Variants in SPIRE2 observed in about 807,000 individuals in gnomAD.
SPIRE2 encodes spire type actin nucleation factor 2.
In SPIRE2, 76 loss-of-function variants were observed where a neutral mutation model predicts 80.7. That is an observed-to-expected ratio of 0.94 (90% CI 0.78 to 1.14). The LOEUF (loss-of-function observed/expected upper bound fraction) is 1.14. Among genes scored for constraint, SPIRE2 ranks in the 50% most tolerant of loss-of-function variants. The pLI is 0.00. For missense variants in SPIRE2, 1,196 were observed against 1,015.3 expected, an observed-to-expected ratio of 1.18 and a Z score of -2.42; for synonymous variants, 535 against 432.6, an observed-to-expected ratio of 1.24 and a Z score of -2.94.
Position 89,860,709 on chromosome 16 carries a change from C to A in SPIRE2, c.1489C>A (p.Pro497Thr). 6.3e-7 allele frequency: 1 copy of A among 1,592,070 alleles called. No individual in the cohort carries two copies. Among genetic ancestry groups the A allele is most frequent in the South Asian group, 1.1e-5 (1 of 87,818 alleles). Residue 497 changes from proline (P) to threonine (T), a missense_variant, in exon 10 of 15, where the codon CCC (proline) becomes ACC (threonine). Coordinates refer to ENST00000378247, the MANE Select transcript of SPIRE2 (RefSeq NM_032451.2). ...TACCTGTCCCGCGAGTGTCTCTGAC[C>A]CCAGCCACCCCCTACTCAGCAACCG... Reference protein sequence around the residue: ...QGTCPASVSDPSHPLLSNRGS... With the variant: ...QGTCPASVSDTSHPLLSNRGS...
chr16:89,852,154 T>C (rs1488649246), intron 3 of SPIRE2, among the ~76,000 whole-genome samples: 1 of 9,976 alleles, frequency 1.0e-4, no homozygotes, highest in Admixed American at 1.4e-3. Flanking sequence ...CCAGATCCCA[T>C]GGCCCATCTT....
chr16:89,857,516 C>A (rs533381806), intron 7 of SPIRE2, among the ~76,000 whole-genome samples: 1 of 152,112 alleles, frequency 6.6e-6, no homozygotes, highest in South Asian at 2.1e-4. Context: ...TGACATATTT[C>A]AGCATTTAGA....
chr16:89,850,346 T>C lies in SPIRE2; in HGVS notation c.331T>C (p.Trp111Arg). The change falls in exon 3 of 15, where the codon TGG (tryptophan) becomes CGG (arginine). Residue 111 changes from tryptophan (W) to arginine (R), a missense_variant. Physicochemically the swap from Trp to Arg is moderately radical, Grantham distance 101. Transcript: ENST00000378247. The part of the protein sequence containing the change: ...LGFAIYRALD[W>R]GLDESEEREL... ...CTTCGCCATCTACCGCGCGCTGGAC[T>C]GGGGGCTGGACGAGAGCGAGGAGCG... The C allele has an allele frequency of 1.2e-6, 2 of 1,600,924 alleles. No homozygotes were observed. Among genetic ancestry groups the C allele is most frequent in the Non-Finnish European group, 1.7e-6 (2 of 1,175,564 alleles).
At chr16:89,840,486 G>T (rs8055746) in intron 1 of SPIRE2, among the ~76,000 whole-genome samples, 79,908 of 149,342 alleles carry the variant, frequency 0.54, 21,718 homozygotes, top group Middle Eastern at 0.75. Flanking sequence ...CCTGACCTTG[G>T]GATCCGCCCG....
At chr16:89,830,233 C>A (rs1489920741) in intron 1 of SPIRE2, among the ~76,000 whole-genome samples, 1 of 151,210 alleles carries the variant, frequency 6.6e-6, no homozygotes. Context: ...TGGTGTGGCC[C>A]CTTCCTGGTC....
Position 89,854,221 on chromosome 16 carries a change from C to T in SPIRE2, c.646-65C>T, listed in dbSNP as rs182989922. The T allele has an allele frequency of 7.8e-5, 115 of 1,469,622 alleles. No homozygotes were observed. In the African/African-American group the frequency reaches 8.5e-4, roughly 11 times the overall value. The allele number at this position is 1,469,622 out of a possible 1,614,324, so 91.0% of individuals were successfully genotyped here. On this transcript the variant is annotated intron_variant, in intron 3 of 14. Coordinates refer to ENST00000378247, the MANE Select transcript of SPIRE2 (RefSeq NM_032451.2). ...GTGACGTGGTCGTGTCCCTGACGGA[C>T]GGGGCCCGTCTTGCATCTGCCATTC...
chr16:89,838,092 G>A (rs1187253049), intron 1 of SPIRE2, among the ~76,000 whole-genome samples: 5 of 150,730 alleles, frequency 3.3e-5, no homozygotes, highest in South Asian at 4.2e-4. Context: ...CTCCGCCTCC[G>A]GGGATCAAAC....
rs769400802 is a variant in SPIRE2, at chr16:89,860,716, A to C, written c.1496A>C (p.His499Pro). The change falls in exon 10 of 15, where the codon CAC becomes CCC. Residue 499 changes from histidine to proline, a missense_variant. His to Pro is a moderately conservative substitution (Grantham distance 77, BLOSUM62 -2). Coordinates refer to ENST00000378247, the MANE Select transcript of SPIRE2 (RefSeq NM_032451.2). ...TCPASVSDPS[H>P]PLLSNRGSSG... The stretch of plus-strand genomic sequence containing the variant: ...CCCGCGAGTGTCTCTGACCCCAGCC[A>C]CCCCCTACTCAGCAACCGGGGCTCC... 5.7e-6 allele frequency: 9 copies of C among 1,591,230 alleles called. No homozygotes were observed. In the Admixed American group the frequency reaches 1.4e-4, roughly 25 times the overall value.
In SPIRE2 at chr16:89,828,980, C is replaced by T. The variant is rs1347213305; in HGVS notation, c.244+186C>T. Reference sequence around the variant, plus strand: ...CTCTTTCCCTCTCTCTTTCCTCCCTCCTTCTCTCCCTCCTTCCTCTCCCTC... The same window carrying T: ...CTCTTTCCCTCTCTCTTTCCTCCCTTCTTCTCTCCCTCCTTCCTCTCCCTC... On this transcript the variant is annotated intron_variant, in intron 1 of 14. Transcript: ENST00000378247. This position sits in a 1 kb window ranked among gnomAD's most constrained non-coding sequence, Gnocchi z 5.9. 6.6e-6 allele frequency among the ~76,000 whole-genome samples: 1 copy of T among 152,186 alleles called. No individual in the cohort carries two copies. The highest frequency in any genetic ancestry group is 1.5e-5 in the Non-Finnish European group (1 of 68,008).
intron 3 of SPIRE2, among the ~76,000 whole-genome samples, chr16:89,852,025 C>T (rs1392202028): frequency 6.7e-6 from 1 of 150,068 alleles, no homozygotes; most frequent in African/African-American, 2.5e-5. Context: ...TCCCCCCACC[C>T]CCCAGATCCC....
rs1180155673 is a variant in SPIRE2, at chr16:89,837,561, T to C, written c.245-7761T>C. ...ACCAGCGGTGGGGTCCCCTTAGGGC[T>C]CACCTCAAGACTTGACACACGCCAG... On this transcript the variant is annotated intron_variant, in intron 1 of 14. Transcript: ENST00000378247. Among the ~76,000 whole-genome samples, 5 of 152,178 alleles carry C rather than the reference T, an allele frequency of 3.3e-5. No homozygotes were observed. The East Asian group carries it at 9.6e-4, about 29-fold the overall frequency.
intron 2 of SPIRE2, chr16:89,846,838 T>C: frequency 1.0e-5 from 1 of 98,770 alleles, no homozygotes; most frequent in Non-Finnish European, 2.0e-5. Context: ...AGATCTACCC[T>C]CTTGTTGCCC....
Position 89,828,814 on chromosome 16 carries a change from A to C in SPIRE2, c.244+20A>C. ...CCGCGGGTGAGGCCGGGGGCGGGGC[A>C]GCCGGCGGGGACCGCGGTCTGGGGC... On this transcript the variant is annotated intron_variant, in intron 1 of 14. Transcript: ENST00000378247. The surrounding 1 kb of genome is among the most constrained non-coding windows in gnomAD (Gnocchi z 5.9). 1 of 1,174,364 alleles carries C rather than the reference A, an allele frequency of 8.5e-7. No homozygotes were observed. The highest frequency in any genetic ancestry group is 1.1e-6 in the Non-Finnish European group (1 of 950,898). 72.7% of individuals were successfully genotyped at this position (1,174,364 alleles called of 1,614,324 possible). A position where few individuals can be genotyped will look rare whatever the true frequency, so the allele number is the denominator to read the frequency against.
Position 89,868,199 on chromosome 16 carries a change from A to G in SPIRE2, c.1789A>G (p.Thr597Ala). ...TCTGTTCCCTTCCAGAGCCGTCTGCACTTCCTGTAGCATAAAGGTGAGGAC... is the reference window on the plus strand; with the variant it reads ...TCTGTTCCCTTCCAGAGCCGTCTGCGCTTCCTGTAGCATAAAGGTGAGGAC... ...SCLFCKRAVC[T>A]SCSIKMKMPS... The change falls in exon 13 of 15, where the codon ACT becomes GCT. Residue 597 changes from threonine to alanine, a missense_variant. Transcript: ENST00000378247. 6.2e-7 allele frequency: 1 copy of G among 1,613,982 alleles called. No individual in the cohort carries two copies. The highest frequency in any genetic ancestry group is 8.5e-7 in the Non-Finnish European group (1 of 1,179,972).
At chr16:89,856,673 T>C (rs1404431157) in intron 7 of SPIRE2, among the ~76,000 whole-genome samples, 1 of 149,316 alleles carries the variant, frequency 6.7e-6, no homozygotes, top group African/African-American at 2.5e-5. Context: ...TTGGCCAGAC[T>C]GGACACAAAC....
Position 89,868,234 on chromosome 16 carries a change from T to C in SPIRE2, c.1806+18T>C, listed in dbSNP as rs2041806879. 6.2e-7 allele frequency: 1 copy of C among 1,613,948 alleles called. No individual in the cohort carries two copies. Among genetic ancestry groups the C allele is most frequent in the African/African-American group, 1.3e-5 (1 of 75,022 alleles). ...GCATAAAGGTGAGGACCATGTGGGA[T>C]CTCTGGGGTCTGAGCAAGGCAGATG... On this transcript the variant is annotated intron_variant, in intron 13 of 14. Transcript: ENST00000378247.
intron 1 of SPIRE2, among the ~76,000 whole-genome samples, chr16:89,834,923 T>C (rs1245783778): frequency 2.1e-5 from 3 of 144,436 alleles, no homozygotes; most frequent in African/African-American, 7.8e-5. Flanking sequence ...GCATAGCCCG[T>C]GTGAATCTGT....
chr16:89,851,319 C>G (rs1304646955), intron 3 of SPIRE2, among the ~76,000 whole-genome samples: 1 of 152,180 alleles, frequency 6.6e-6, no homozygotes, highest in Non-Finnish European at 1.5e-5. Context: ...AAATATGATG[C>G]CAAAGGTGGC....
At chr16:89,869,199 G>C (rs923835077) in intron 13 of SPIRE2, among the ~76,000 whole-genome samples, 2 of 150,734 alleles carry the variant, frequency 1.3e-5, no homozygotes, top group African/African-American at 2.4e-5. Flanking sequence ...CCTCATCCAT[G>C]TTAAATGTTG....
Sources: gnomAD v4.1 joint callset for allele counts (sites outside exome capture counted in the v4.1 genomes callset) on GRCh38, gnomAD v4.1.1 for gene constraint, Gnocchi (gnomAD v3.1) non-coding constraint, MANE v1.5 for transcripts, NCBI Gene and HGNC (gene_info 2026-07-23, HGNC 2026-07-21) for gene names.